The following WBP11 variants were observed in gnomAD, a reference collection of about 807,000 sequenced individuals.
WBP11 encodes the protein WW domain-binding protein 11.
WBP11 carries 12 observed loss-of-function variants against 66.7 expected under a neutral mutation model. That is an observed-to-expected ratio of 0.18 (90% CI 0.12 to 0.29). The LOEUF is 0.29. Among genes scored for constraint, WBP11 ranks in the 10% least tolerant of loss-of-function variants. The pLI, the probability that WBP11 is intolerant of heterozygous loss-of-function variation, is 1.00. For missense variants in WBP11, 555 were observed against 818.3 expected (o/e 0.68, Z 3.93); for synonymous variants, 255 against 273.8 (o/e 0.93, Z 0.68).
intron 3 of WBP11, 77 bp downstream of exon 3, chr12:14,800,675 C>A: frequency 7.7e-7 from 1 of 1,301,352 alleles, no homozygotes; most frequent in South Asian, 1.3e-5. Context: ...AAATGTTATT[C>A]TGAAACCCAC....
At chr12:14,791,125 G>T in intron 9 of WBP11, 44 bp downstream of exon 9, 1 of 1,564,338 alleles carries the variant, frequency 6.4e-7, no homozygotes, top group Non-Finnish European at 8.8e-7. Context: ...TAATTAGCGT[G>T]AGGATACACC....
At chr12:14,791,510 T>C (rs1202417377) in intron 8 of WBP11, among the ~76,000 whole-genome samples, 2 of 152,160 alleles carry the variant, frequency 1.3e-5, no homozygotes, top group African/African-American at 4.8e-5. Flanking sequence ...TAAATGGTAG[T>C]TGAAGATCTA....
In WBP11 at chr12:14,788,988, A is replaced by G. The variant is rs1339109113; in HGVS notation, c.1455T>C (p.Arg485=). The G allele has an allele frequency of 6.8e-7, 1 of 1,473,232 alleles. No individual in the cohort carries two copies. The highest frequency in any genetic ancestry group is 8.9e-7 in the Non-Finnish European group (1 of 1,119,642). 91.3% of individuals were successfully genotyped at this position (1,473,232 alleles called of 1,614,324 possible). Residue 485 remains arginine, a synonymous_variant, in exon 11 of 12, where the codon CGT becomes CGC. Transcript: ENST00000261167. ...GGGGAGGTAGCCTTGGTGGGGGTCC[A>G]CGAGGAGGGGGACCAGGAGGCAGAC... ...PPGLPPGPPP[R]GPPPRLPPPA...
intron 4 of WBP11, 189 bp downstream of exon 4, chr12:14,799,446 G>A (rs753801825): frequency 2.3e-6 from 1 of 435,710 alleles, no homozygotes; most frequent in Non-Finnish European, 4.0e-6. Flanking sequence ...CTCTTATTCT[G>A]GTATCTGGGG....
chr12:14,793,675 C>A, intron 8 of WBP11, 56 bp downstream of exon 8: 1 of 1,557,458 alleles, frequency 6.4e-7, no homozygotes, highest in Non-Finnish European at 8.7e-7. Context: ...AAATTAGGAC[C>A]TTCAGCTTGT....
chr12:14,801,570 T>G lies in WBP11; in HGVS notation c.-45-142A>C, dbSNP rs1174966304. On this transcript the variant is annotated intron_variant, in intron 1 of 11. Transcript: ENST00000261167. ...TCTTTCCTTAGTTTTGACTTTAATG[T>G]CCAAGAAAGATGGCATCACCTTTCT... 4 of 556,292 alleles carry G rather than the reference T, an allele frequency of 7.2e-6. No individual in the cohort carries two copies. The Admixed American group carries it at 1.2e-4, about 17-fold the overall frequency. 34.5% of individuals were successfully genotyped at this position (556,292 alleles called of 1,614,324 possible).
At position 14,796,355 on chromosome 12, in the gene WBP11, A is replaced by G. The variant is rs1013103449; in HGVS notation, c.387+452T>C. 1.3e-5 allele frequency among the ~76,000 whole-genome samples: 2 copies of G among 152,226 alleles called. No homozygotes were observed. Among genetic ancestry groups the G allele is most frequent in the African/African-American group, 2.4e-5 (1 of 41,472 alleles). ...TAAAGAGGATTAGATTTGCAGGTTC[A>G]CACAGTAGGTATATGTTTAGTTTTA... On this transcript the variant is annotated intron_variant, in intron 5 of 11. Coordinates refer to ENST00000261167, the MANE Select transcript of WBP11 (RefSeq NM_016312.3). This position sits in a 1 kb window ranked among gnomAD's most constrained non-coding sequence, Gnocchi z 4.5.
At chr12:14,789,215 G>A in intron 10 of WBP11, 82 bp from the exon 11 acceptor site, 1 of 1,288,572 alleles carries the variant, frequency 7.8e-7, no homozygotes, top group Admixed American at 3.7e-5. Context: ...CTCAAATATG[G>A]TTTGACTTTA....
At chr12:14,794,759 CA>C (rs775187387) in intron 6 of WBP11, 23 bp from the exon 7 acceptor site, 5 of 1,530,810 alleles carry the variant, frequency 3.3e-6, no homozygotes, top group African/African-American at 1.4e-5. Flanking sequence ...AAAACAAAAA[CA>C]AAAAAACCCC....
intron 3 of WBP11, among the ~76,000 whole-genome samples, chr12:14,799,987 C>T (rs1269308813): frequency 6.6e-6 from 1 of 152,158 alleles, no homozygotes; most frequent in East Asian, 1.9e-4. Context: ...AACACACATA[C>T]ACTTTAAATT....
intron 1 of WBP11, chr12:14,801,774 G>C (rs979709920): frequency 6.0e-6 from 1 of 167,314 alleles, no homozygotes; most frequent in Non-Finnish European, 1.3e-5. Context: ...ATGAACATCA[G>C]AATTCATTAG....
At chr12:14,800,949 T>C (rs1949955176) in intron 2 of WBP11, 166 bp from the exon 3 acceptor site, 1 of 536,898 alleles carries the variant, frequency 1.9e-6, no homozygotes, top group Non-Finnish European at 3.2e-6. Flanking sequence ...ATCCCTCTAA[T>C]TATGACAACC....
rs1949897953 is a variant in WBP11 at position 14,796,688 on chromosome 12, T to C, written c.387+119A>G. ...AAATATACACAAAAACAAAACAAAA[T>C]ATAAAAAAAACCCAACAACCCTAAA... is the stretch of plus-strand genomic sequence containing the variant. On this transcript the variant is annotated intron_variant, in intron 5 of 11. Transcript: ENST00000261167. This position sits in a 1 kb window ranked among gnomAD's most constrained non-coding sequence, Gnocchi z 4.5. The C allele has an allele frequency of 1.1e-6, 1 of 946,842 alleles. No individual in the cohort carries two copies. Among genetic ancestry groups the C allele is most frequent in the Non-Finnish European group, 1.5e-6 (1 of 676,832 alleles). 58.7% of individuals were successfully genotyped at this position (946,842 alleles called of 1,614,324 possible).
At position 14,803,478 on chromosome 12, in the gene WBP11, C is replaced by G. The variant is rs1156469300; in HGVS notation, c.-172G>C. 4 of 398,654 alleles carry G rather than the reference C, an allele frequency of 1.0e-5. No individual in the cohort carries two copies. The highest frequency in any genetic ancestry group is 3.6e-5 in the East Asian group (1 of 28,066). The allele number at this position is 398,654 out of a possible 1,614,324, so 24.7% of individuals were successfully genotyped here. A position where few individuals can be genotyped will look rare whatever the true frequency, so the allele number is the denominator to read the frequency against. On this transcript the variant is annotated 5_prime_UTR_variant, in exon 1 of 12. Transcript: ENST00000261167. ...CAGCTACCGCCATCTTGAAACCTCG[C>G]GCCCCTCCGCACTCCTCACGTCATT...
At chr12:14,787,831 G>C (rs1949771568) in intron 11 of WBP11, among the ~76,000 whole-genome samples, 1 of 152,274 alleles carries the variant, frequency 6.6e-6, no homozygotes, top group South Asian at 2.1e-4. Flanking sequence ...CATAGTGCAG[G>C]TATTAGTAAG....
chr12:14,795,815 T>A (rs1048904128), intron 5 of WBP11, among the ~76,000 whole-genome samples: 1 of 152,192 alleles, frequency 6.6e-6, no homozygotes, highest in Non-Finnish European at 1.5e-5. Context: ...TTGGGCTCAT[T>A]AGCTTGCCTA....
Position 14,787,313 on chromosome 12 carries a change from C to T in WBP11, c.1678G>A (p.Ala560Thr), listed in dbSNP as rs1175068320. ...ATCTGTGGCTTGGCACTGATGGTTGCTGTGGCTTTCTTCTCAATGGTGGCT... is the reference window on the plus strand; with the variant it reads ...ATCTGTGGCTTGGCACTGATGGTTGTTGTGGCTTTCTTCTCAATGGTGGCT... Reference protein sequence around the residue: ...SAATIEKKATATISAKPQITN... With the variant: ...SAATIEKKATTTISAKPQITN... The change falls in exon 12 of 12, where the codon GCA becomes ACA. Residue 560 changes from alanine to threonine, a missense_variant. Ala to Thr is a moderately conservative substitution (Grantham distance 58, BLOSUM62 0). Around this residue, in one of 6 missense-constraint regions of WBP11, gnomAD observed 230 missense variants for 286.3 expected, o/e 0.80. Transcript: ENST00000261167. 2 of 1,614,118 alleles carry T rather than the reference C, an allele frequency of 1.2e-6. No individual in the cohort carries two copies. Among genetic ancestry groups the T allele is most frequent in the South Asian group, 2.2e-5 (2 of 91,086 alleles).
chr12:14,801,237 T>G, intron 2 of WBP11, 83 bp downstream of exon 2: 1 of 1,385,234 alleles, frequency 7.2e-7, no homozygotes, highest in Non-Finnish European at 1.0e-6. Flanking sequence ...GTCTTGTAAT[T>G]AAGCCACAGA....
At chr12:14,799,582 G>T in intron 4 of WBP11, 53 bp downstream of exon 4, 1 of 1,544,528 alleles carries the variant, frequency 6.5e-7, no homozygotes, top group Non-Finnish European at 8.9e-7. Flanking sequence ...CTCGTTACCT[G>T]CCTGCCTCTG....
Sources: gnomAD v4.1 joint callset for allele counts (sites outside exome capture counted in the v4.1 genomes callset) on GRCh38, gnomAD v4.1.1 for gene constraint, gnomAD v4.1.1 regional missense constraint, Gnocchi (gnomAD v3.1) non-coding constraint, MANE v1.5 for transcripts, NCBI Gene and HGNC (gene_info 2026-07-23, HGNC 2026-07-21) for gene names.